The following DKK2 variants were observed in gnomAD, a reference collection of about 807,000 sequenced individuals.
DKK2 encodes the protein dickkopf-related protein 2.
In DKK2, 11 loss-of-function variants were observed where a neutral mutation model predicts 28.1. That is an observed-to-expected ratio of 0.39 (90% CI 0.25 to 0.65). The LOEUF is 0.65. Among genes scored for constraint, DKK2 ranks in the 30% least tolerant of loss-of-function variants. The pLI is 0.47. For synonymous variants in DKK2, 135 were observed against 126.5 expected, an observed-to-expected ratio of 1.07 and a Z score of -0.45; for missense variants, 326 against 335.5, an observed-to-expected ratio of 0.97 and a Z score of 0.22.
intron 1 of DKK2, among the ~76,000 whole-genome samples, chr4:107,008,992 C>A (rs189323494): frequency 6.6e-6 from 1 of 151,948 alleles, no homozygotes; most frequent in East Asian, 1.9e-4. Context: ...TATTTGATAT[C>A]TTTTCATAAG....
chr4:106,983,362 A>AAG (rs1723062043), intron 1 of DKK2, among the ~76,000 whole-genome samples: 7 of 140,754 alleles, frequency 5.0e-5, no homozygotes, highest in Admixed American at 1.5e-4. Flanking sequence ...GAAAGAAAGA[A>AAG]AGAAAGAAGA....
chr4:106,964,014 G>A (rs912446263), intron 1 of DKK2, among the ~76,000 whole-genome samples: 8 of 151,950 alleles, frequency 5.3e-5, no homozygotes, highest in Admixed American at 5.3e-4. Flanking sequence ...GTATTATGTT[G>A]CATTTTTCTA....
At chr4:107,015,497 C>T (rs1170634843) in intron 1 of DKK2, among the ~76,000 whole-genome samples, 9 of 151,790 alleles carry the variant, frequency 5.9e-5, no homozygotes, top group African/African-American at 1.9e-4. Context: ...ACAGGCACTA[C>T]ATACATCTCC....
chr4:106,987,866 CTT>C (rs397994875), intron 1 of DKK2, among the ~76,000 whole-genome samples: 15 of 137,852 alleles, frequency 1.1e-4, no homozygotes, highest in Admixed American at 1.5e-4. Context: ...TTACTCTCTT[CTT>C]TTTTTTTTTT....
At chr4:106,987,248 A>G (rs1723134225) in intron 1 of DKK2, among the ~76,000 whole-genome samples, 1 of 152,228 alleles carries the variant, frequency 6.6e-6, no homozygotes, top group African/African-American at 2.4e-5. Flanking sequence ...TATTCTTAGT[A>G]GAGAAGAATA....
intron 1 of DKK2, among the ~76,000 whole-genome samples, chr4:106,976,512 T>C (rs186045024): frequency 9.2e-5 from 14 of 152,342 alleles, no homozygotes; most frequent in Admixed American, 2.6e-4. Flanking sequence ...TTTGTCTTTT[T>C]TGATCTTTGT....
chr4:107,009,680 TG>T (rs1474643459), intron 1 of DKK2, among the ~76,000 whole-genome samples: 10 of 151,802 alleles, frequency 6.6e-5, no homozygotes, highest in African/African-American at 2.2e-4. Context: ...AACTTGCAGC[TG>T]GGGGAGGGCA....
intron 1 of DKK2, among the ~76,000 whole-genome samples, chr4:106,989,685 G>A (rs1054849703): frequency 3.9e-5 from 6 of 152,080 alleles, no homozygotes; most frequent in African/African-American, 7.2e-5. Flanking sequence ...TAAAAATAGC[G>A]TTGTAATTTA....
intron 1 of DKK2, among the ~76,000 whole-genome samples, chr4:106,954,907 G>A (rs1560579153): frequency 6.6e-6 from 1 of 152,166 alleles, no homozygotes; most frequent in Admixed American, 6.6e-5. Flanking sequence ...TAAACAGAAC[G>A]CTTTATCTGT....
rs1001171915 is a variant in DKK2 at position 107,018,198 on chromosome 4, C to A, written c.222+17172G>T. Among the ~76,000 whole-genome samples, 9 of 152,156 alleles carry A rather than the reference C, an allele frequency of 5.9e-5. 1 individual carries two copies. The highest frequency in any genetic ancestry group is 5.9e-4 in the Admixed American group (9 of 15,270). On this transcript the variant is annotated intron_variant, in intron 1 of 3. Transcript: ENST00000285311. Reference sequence around the variant, plus strand: ...AAGTCAGTATAACTGTTGTCACTAGCAAATAGCATAGCCAAGTCATACTTC... The same window carrying A: ...AAGTCAGTATAACTGTTGTCACTAGAAAATAGCATAGCCAAGTCATACTTC...
rs1200245462 is a variant in DKK2 at position 106,924,090 on chromosome 4, G to A, written c.644C>T (p.Thr215Ile). 1 of 1,613,942 alleles carries A rather than the reference G, an allele frequency of 6.2e-7. No homozygotes were observed. The highest frequency in any genetic ancestry group is 8.5e-7 in the Non-Finnish European group (1 of 1,179,922). The change falls in exon 4 of 4, where the codon ACC becomes ATC. Residue 215 changes from threonine (T) to isoleucine (I), a missense_variant. Thr to Ile is a moderately conservative substitution (Grantham distance 89). Transcript: ENST00000285311. ...ATGAGAACCCTTCTTGCGTTGTTTG[G>A]TACAGACTTCCCCCTGATGGAGCAC... ...KPVLHQGEVCTKQRKKGSHGL... is the reference protein window; with the variant it reads ...KPVLHQGEVCIKQRKKGSHGL...
intron 1 of DKK2, among the ~76,000 whole-genome samples, chr4:106,963,824 A>G (rs1435034584): frequency 6.6e-6 from 1 of 152,214 alleles, no homozygotes; most frequent in Non-Finnish European, 1.5e-5. Context: ...GTACATTTCT[A>G]TAGCCACCTT....
chr4:107,012,071 T>A (rs1007797830), intron 1 of DKK2, among the ~76,000 whole-genome samples: 1 of 151,244 alleles, frequency 6.6e-6, no homozygotes, highest in Non-Finnish European at 1.5e-5. Context: ...AGCTTGCCAT[T>A]TAAATAACAA....
chr4:106,945,011 G>T (rs1293959007), intron 1 of DKK2, among the ~76,000 whole-genome samples: 1 of 152,062 alleles, frequency 6.6e-6, no homozygotes, highest in Non-Finnish European at 1.5e-5. Context: ...CCTAGCACTA[G>T]CCAGGCTCCT....
intron 1 of DKK2, among the ~76,000 whole-genome samples, chr4:106,969,092 G>A (rs972747810): frequency 6.6e-6 from 1 of 151,896 alleles, no homozygotes; most frequent in Non-Finnish European, 1.5e-5. Flanking sequence ...GAAGAATGAA[G>A]TTGATTTATG....
chr4:107,031,901 G>C (rs137951444), intron 1 of DKK2, among the ~76,000 whole-genome samples: 7 of 151,964 alleles, frequency 4.6e-5, no homozygotes, highest in African/African-American at 1.7e-4. Flanking sequence ...TTTAGAGATA[G>C]TATCGAGAAA....
intron 1 of DKK2, among the ~76,000 whole-genome samples, chr4:106,927,003 C>G (rs1472816630): frequency 3.3e-5 from 5 of 151,976 alleles, no homozygotes; most frequent in Admixed American, 2.0e-4. Context: ...ATTTGTAAAC[C>G]TTTTTTTCTT....
At chr4:106,943,873 G>A (rs1724737917) in intron 1 of DKK2, among the ~76,000 whole-genome samples, 1 of 152,174 alleles carries the variant, frequency 6.6e-6, no homozygotes, top group South Asian at 2.1e-4. Flanking sequence ...AATTCTTCAA[G>A]CCTATGGCAT....
At chr4:106,929,992 T>C (rs1240046414) in intron 1 of DKK2, among the ~76,000 whole-genome samples, 1 of 152,122 alleles carries the variant, frequency 6.6e-6, no homozygotes, top group Non-Finnish European at 1.5e-5. Flanking sequence ...ACCTATGTGC[T>C]GAAGTTAGAG....
Sources: allele counts gnomAD v4.1 joint callset (sites outside exome capture counted in the v4.1 genomes callset), GRCh38; gene constraint gnomAD v4.1.1; transcripts MANE v1.5; gene names NCBI Gene and HGNC (gene_info 2026-07-23, HGNC 2026-07-21).